Variants in SMIM7 observed in about 807,000 individuals in gnomAD.
SMIM7 encodes the protein UPF0608 protein C19orf42.
A neutral mutation model predicts 13.3 loss-of-function variants in SMIM7; 12 were observed. The observed-to-expected ratio is 0.90, with a 90% confidence interval of 0.58 to 1.46. SMIM7 has a LOEUF of 1.46. Ranked by LOEUF, SMIM7 falls within the 40% of genes most tolerant of loss-of-function variation. SMIM7 has a pLI of 0.00. For synonymous variants in SMIM7, 36 were observed against 35.8 expected (o/e 1.01, Z -0.02); for missense variants, 114 against 94.8 (o/e 1.20, Z -0.84).
At chr19:16,648,140 T>C (rs2086473808) in intron 4 of SMIM7, among the ~76,000 whole-genome samples, 1 of 152,096 alleles carries the variant, frequency 6.6e-6, no homozygotes, top group Non-Finnish European at 1.5e-5. Flanking sequence ...TCATCACAGT[T>C]AAAAACTTTT....
chr19:16,656,604 A>G (rs192203227), intron 3 of SMIM7, among the ~76,000 whole-genome samples: 1 of 151,890 alleles, frequency 6.6e-6, no homozygotes, highest in Admixed American at 6.6e-5. Context: ...GGAGGTAAAA[A>G]AAAAGCCTTT....
intron 3 of SMIM7, 37 bp downstream of exon 3, chr19:16,659,358 G>C (rs774351914): frequency 1.3e-6 from 2 of 1,586,584 alleles, no homozygotes; most frequent in South Asian, 1.1e-5. Context: ...GTCCTCTGAA[G>C]TGGACCATGC....
In SMIM7 at chr19:16,647,238, G is replaced by A. The variant is rs778679018; in HGVS notation, c.*8C>T. 3.7e-6 allele frequency: 6 copies of A among 1,613,876 alleles called. No individual in the cohort carries two copies. Among genetic ancestry groups the A allele is most frequent in the Admixed American group, 1.7e-5 (1 of 59,972 alleles). On this transcript the variant is annotated 3_prime_UTR_variant, in exon 5 of 5. Coordinates refer to ENST00000487416, the MANE Select transcript of SMIM7 (RefSeq NM_024104.4). ...GGGAAAGTGAGTTCCTGGTTTCATC[G>A]CTGGGATTCAAGAGCCGAACAGCCT...
intron 2 of SMIM7, 56 bp from the exon 3 acceptor site, chr19:16,659,503 CCT>C (rs1317722350): frequency 3.8e-6 from 6 of 1,559,294 alleles, no homozygotes; most frequent in African/African-American, 1.4e-5. Flanking sequence ...TCCTCAGCCC[CCT>C]GACCCCCAGC....
In SMIM7 at chr19:16,660,080, A is replaced by G. The variant is rs1250770988; in HGVS notation, c.26+5T>C. On this transcript the variant is annotated splice_donor_5th_base_variant and intron_variant, in intron 1 of 4. Transcript: ENST00000487416. Reference sequence around the variant, plus strand: ...CTCTTCCCAGCCTCTGGTCCCCCTAATTACCCGAACAGCAGGATGTCTCCG... The same window carrying G: ...CTCTTCCCAGCCTCTGGTCCCCCTAGTTACCCGAACAGCAGGATGTCTCCG... 6.2e-7 allele frequency: 1 copy of G among 1,614,202 alleles called. No individual in the cohort carries two copies. Among genetic ancestry groups the G allele is most frequent in the South Asian group, 1.1e-5 (1 of 91,088 alleles).
chr19:16,640,436 A>G (rs2086396519), intron 4 of SMIM7: 1 of 152,222 alleles, frequency 6.6e-6, no homozygotes, highest in African/African-American at 2.4e-5. Flanking sequence ...GGCCTGTCAA[A>G]TATTTCATAA....
chr19:16,652,721 C>T (rs956434477), intron 4 of SMIM7: 47 of 1,441,736 alleles, frequency 3.3e-5, no homozygotes, highest in South Asian at 6.0e-5. Flanking sequence ...TGGGGTGGCA[C>T]GCAGACTGGA....
chr19:16,659,844 AGGGCGGGGCCTGCGGCTTGG>A, intron 2 of SMIM7, 95 bp downstream of exon 2: 1 of 1,377,446 alleles, frequency 7.3e-7, no homozygotes, highest in South Asian at 1.2e-5. Context: ...GAGGGCGGAT[AGGGCGGGGCCTGCGGCTTGG>A]GGGCGGGGCC....
chr19:16,637,380 G>C (rs892746888), intron 4 of SMIM7, among the ~76,000 whole-genome samples: 2 of 152,134 alleles, frequency 1.3e-5, no homozygotes, highest in African/African-American at 4.8e-5. Flanking sequence ...AGCTGTGGTG[G>C]TATGTGCCTG....
At chr19:16,652,545 T>G (rs1462599743) in intron 4 of SMIM7, 5 of 1,097,508 alleles carry the variant, frequency 4.6e-6, no homozygotes, top group Admixed American at 4.8e-5. Flanking sequence ...CTCACAAGCC[T>G]TCTTTGTTCC....
At position 16,646,895 on chromosome 19, in the gene SMIM7, G is replaced by A. The variant is rs1015846082; in HGVS notation, c.*351C>T. 6.0e-6 allele frequency: 2 copies of A among 333,236 alleles called. No homozygotes were observed. The highest frequency in any genetic ancestry group is 1.1e-5 in the Non-Finnish European group (2 of 177,824). 20.6% of individuals were successfully genotyped at this position (333,236 alleles called of 1,614,324 possible). On this transcript the variant is annotated 3_prime_UTR_variant, in exon 5 of 5. Coordinates refer to ENST00000487416, the MANE Select transcript of SMIM7 (RefSeq NM_024104.4). ...GTAACACTGAATGTCCAAAAATACG[G>A]CTGTGTTAAACTAACAAGCCAATCC...
Position 16,659,099 on chromosome 19 carries a change from G to A in SMIM7, c.121+296C>T, listed in dbSNP as rs142541193. On this transcript the variant is annotated intron_variant, in intron 3 of 4. Coordinates refer to ENST00000487416, the MANE Select transcript of SMIM7 (RefSeq NM_024104.4). ...GGAGTTCGAGACCGGCCTGGGCAAC[G>A]TGGAGAAACCCCATCTCTACAAAAA... 639 of 431,658 alleles carry A rather than the reference G, an allele frequency of 1.5e-3. 3 individuals carry two copies. Among genetic ancestry groups the A allele is most frequent in the African/African-American group, 0.012 (590 of 49,718 alleles). The allele number at this position is 431,658 out of a possible 1,614,324, so 26.7% of individuals were successfully genotyped here.
chr19:16,631,501 G>A (rs1035955346), exon 5 of SMIM7: 1 of 152,224 alleles, frequency 6.6e-6, no homozygotes, highest in African/African-American at 2.4e-5. Flanking sequence ...GTCAAGTGCA[G>A]AGCATCTTCA....
downstream of SMIM7, among the ~76,000 whole-genome samples, chr19:16,643,635 G>T (rs933098681): frequency 4.6e-5 from 7 of 152,204 alleles, no homozygotes; most frequent in Admixed American, 4.6e-4. Flanking sequence ...GGCCTCAAGT[G>T]ATCTACCCAC....
chr19:16,653,252 C>T (rs972488377), intron 4 of SMIM7, among the ~76,000 whole-genome samples: 5 of 152,130 alleles, frequency 3.3e-5, no homozygotes, highest in African/African-American at 1.2e-4. Flanking sequence ...GAGTTTAACC[C>T]CTTCAGATAC....
chr19:16,650,104 T>C (rs2086502827), intron 4 of SMIM7, among the ~76,000 whole-genome samples: 1 of 152,208 alleles, frequency 6.6e-6, no homozygotes. Flanking sequence ...GAAGACAGAC[T>C]TCCGCCTTTT....
In SMIM7 at chr19:16,647,043, C is replaced by A; in HGVS notation, c.*203G>T. 1 of 651,164 alleles carries A rather than the reference C, an allele frequency of 1.5e-6. No homozygotes were observed. The highest frequency in any genetic ancestry group is 2.7e-6 in the Non-Finnish European group (1 of 371,414). The allele number at this position is 651,164 out of a possible 1,614,324, so 40.3% of individuals were successfully genotyped here. A position where few individuals can be genotyped will look rare whatever the true frequency, so the allele number is the denominator to read the frequency against. ...AGTAGACAGCATTTCAATTCAGAGA[C>A]CAAAGTGAAACTATCTTTGAAAACA... On this transcript the variant is annotated 3_prime_UTR_variant, in exon 5 of 5. Transcript: ENST00000487416.
chr19:16,636,906 T>C (rs868260839), intron 4 of SMIM7, among the ~76,000 whole-genome samples: 1 of 152,302 alleles, frequency 6.6e-6, no homozygotes, highest in East Asian at 1.9e-4. Context: ...TGAGCTAAGA[T>C]AGTGCCACTG....
chr19:16,637,461 C>T (rs1478517771), intron 4 of SMIM7, among the ~76,000 whole-genome samples: 1 of 152,108 alleles, frequency 6.6e-6, no homozygotes, highest in African/African-American at 2.4e-5. Flanking sequence ...GAGCCATGAT[C>T]GCCTCACCTG....
Sources: allele counts gnomAD v4.1 joint callset (sites outside exome capture counted in the v4.1 genomes callset), GRCh38; gene constraint gnomAD v4.1.1; transcripts MANE v1.5; gene names NCBI Gene and HGNC (gene_info 2026-07-23, HGNC 2026-07-21).